The following DEPTOR variants were observed in gnomAD, a reference collection of about 807,000 sequenced individuals.
DEPTOR encodes the protein DEP domain containing MTOR interacting protein.
Under a neutral mutation model 41.6 loss-of-function variants are expected in DEPTOR, and 41 were observed. The observed-to-expected ratio is 0.98, with a 90% confidence interval of 0.77 to 1.28. The LOEUF (loss-of-function observed/expected upper bound fraction) is 1.28, where lower values mean the gene tolerates loss of function less well. Ranked by LOEUF, DEPTOR falls within the 50% of genes most tolerant of loss-of-function variation. The probability of loss-of-function intolerance (pLI) is 0.00; values close to 1 mark genes in which losing one functional copy is unlikely to be tolerated. For synonymous variants in DEPTOR, 195 were observed against 192.3 expected, an observed-to-expected ratio of 1.01 and a Z score of -0.12; for missense variants, 514 against 527.9, an observed-to-expected ratio of 0.97 and a Z score of 0.26.
chr8:119,946,425 G>A (rs76472549), intron 3 of DEPTOR, among the ~76,000 whole-genome samples: 1,961 of 149,674 alleles, frequency 0.013, 51 homozygotes, highest in African/African-American at 0.046. Flanking sequence ...CACCCAAATA[G>A]TGTTTGGTTT....
rs1022776204 is a variant in DEPTOR, at chr8:119,993,975, G to A, written c.605-7550G>A. Among the ~76,000 whole-genome samples, 21 of 151,972 alleles carry A rather than the reference G, an allele frequency of 1.4e-4. No individual in the cohort carries two copies. In the East Asian group the frequency reaches 3.9e-3, roughly 28 times the overall value. On this transcript the variant is annotated intron_variant, in intron 4 of 8. Transcript: ENST00000286234. ...AGTTTGAGATCAGCCTGGCTAACAC[G>A]GTGAAAACCCATCTCTACTAAAAAT...
chr8:119,987,625 G>A (rs114841638), intron 4 of DEPTOR, among the ~76,000 whole-genome samples: 349 of 152,272 alleles, frequency 2.3e-3, no homozygotes, highest in African/African-American at 7.9e-3. Flanking sequence ...CTGAAGCGGC[G>A]CCAACAGCTG....
At chr8:119,906,683 A>G (rs7006905) in intron 1 of DEPTOR, among the ~76,000 whole-genome samples, 75,658 of 151,756 alleles carry the variant, frequency 0.5, 20,579 homozygotes, top group East Asian at 0.92. Context: ...GATTTTCCCT[A>G]TTGCTGGACC....
At chr8:119,914,441 C>CG (rs1554673083) in intron 1 of DEPTOR, among the ~76,000 whole-genome samples, 1 of 149,652 alleles carries the variant, frequency 6.7e-6, no homozygotes, top group Non-Finnish European at 1.5e-5. Context: ...TCACCCAAGC[C>CG]TTTTTTTTTC....
intron 1 of DEPTOR, among the ~76,000 whole-genome samples, chr8:119,910,376 A>T (rs1393172969): frequency 6.6e-6 from 1 of 152,220 alleles, no homozygotes. Context: ...AGCCCTGGGA[A>T]ACATTTTTGT....
intron 8 of DEPTOR, among the ~76,000 whole-genome samples, chr8:120,041,116 A>C (rs557299443): frequency 6.6e-6 from 1 of 152,320 alleles, no homozygotes; most frequent in South Asian, 2.1e-4. Flanking sequence ...GAAAGAAAAA[A>C]ACAAGAAGGT....
chr8:120,040,180 G>C (rs201011452), intron 8 of DEPTOR, among the ~76,000 whole-genome samples: 1 of 152,192 alleles, frequency 6.6e-6, no homozygotes, highest in East Asian at 1.9e-4. Context: ...TAAAACATCA[G>C]CCTTCTTCTT....
At chr8:119,992,045 A>C (rs1812181444) in intron 4 of DEPTOR, among the ~76,000 whole-genome samples, 1 of 152,192 alleles carries the variant, frequency 6.6e-6, no homozygotes, top group South Asian at 2.1e-4. Flanking sequence ...CACCTTCTAG[A>C]AACACCAAGT....
intron 3 of DEPTOR, among the ~76,000 whole-genome samples, chr8:119,930,617 AG>A (rs2129857275): frequency 6.6e-6 from 1 of 152,316 alleles, no homozygotes; most frequent in Admixed American, 6.5e-5. Context: ...CATCGAGAGC[AG>A]GGGAATTGGT....
chr8:119,904,078 C>T (rs1297048268), intron 1 of DEPTOR, among the ~76,000 whole-genome samples: 1 of 151,894 alleles, frequency 6.6e-6, no homozygotes, highest in Non-Finnish European at 1.5e-5. Context: ...AAAAGGCACT[C>T]GATTTAATTG....
chr8:120,014,817 C>T (rs764237407), intron 8 of DEPTOR, among the ~76,000 whole-genome samples: 3 of 151,992 alleles, frequency 2.0e-5, no homozygotes, highest in Non-Finnish European at 4.4e-5. Context: ...ACCACCATGC[C>T]CAACCCCCAA....
chr8:119,928,716 T>C (rs1828000174), intron 2 of DEPTOR, 138 bp downstream of exon 2: 2 of 837,216 alleles, frequency 2.4e-6, no homozygotes, highest in South Asian at 3.1e-5. Context: ...ATTTTCTTCC[T>C]GCCTCTAAGA....
intron 3 of DEPTOR, among the ~76,000 whole-genome samples, chr8:119,950,895 G>T (rs537512916): frequency 9.2e-5 from 14 of 152,214 alleles, no homozygotes; most frequent in African/African-American, 3.4e-4. Flanking sequence ...ACAGCACCCT[G>T]CCATGTTTCT....
At chr8:119,916,564 A>G (rs1024428509) in intron 1 of DEPTOR, among the ~76,000 whole-genome samples, 3 of 152,242 alleles carry the variant, frequency 2.0e-5, no homozygotes, top group African/African-American at 7.2e-5. Context: ...TGGAAGGCTT[A>G]CTGAGGACTA....
At chr8:119,933,955 C>T (rs1222709042) in intron 3 of DEPTOR, among the ~76,000 whole-genome samples, 1 of 152,156 alleles carries the variant, frequency 6.6e-6, no homozygotes, top group Non-Finnish European at 1.5e-5. Context: ...TCTCGGCTCA[C>T]TACAACCTTC....
intron 3 of DEPTOR, 102 bp from the exon 4 acceptor site, chr8:119,965,130 T>A: frequency 7.8e-7 from 1 of 1,277,178 alleles, no homozygotes; most frequent in South Asian, 1.6e-5. Context: ...CATCTGTCTG[T>A]CTGACAACTT....
In DEPTOR at chr8:119,942,612, A is replaced by G. The variant is rs533880323; in HGVS notation, c.425+12674A>G. On this transcript the variant is annotated intron_variant, in intron 3 of 8. Coordinates refer to ENST00000286234, the MANE Select transcript of DEPTOR (RefSeq NM_022783.4). ...ACTTCCGCCAAGTTTTCCTAATCCTATGTAATGTCAGGGCTATGAACCAAG... is the reference window on the plus strand; with the variant it reads ...ACTTCCGCCAAGTTTTCCTAATCCTGTGTAATGTCAGGGCTATGAACCAAG... 2.6e-5 allele frequency among the ~76,000 whole-genome samples: 4 copies of G among 152,328 alleles called. No homozygotes were observed. The South Asian group carries it at 8.3e-4, about 32-fold the overall frequency.
chr8:120,018,653 GC>G (rs1176715660), intron 8 of DEPTOR, among the ~76,000 whole-genome samples: 1 of 152,174 alleles, frequency 6.6e-6, no homozygotes, highest in African/African-American at 2.4e-5. Context: ...TGTTTTGTAT[GC>G]AGTGCTATGT....
intron 8 of DEPTOR, among the ~76,000 whole-genome samples, chr8:120,033,760 G>C (rs932208571): frequency 6.6e-6 from 1 of 152,108 alleles, no homozygotes; most frequent in African/African-American, 2.4e-5. Flanking sequence ...GCCAGGCAAG[G>C]ATTTACTCCC....
Sources: allele counts gnomAD v4.1 joint callset (sites outside exome capture counted in the v4.1 genomes callset), GRCh38; gene constraint gnomAD v4.1.1; transcripts MANE v1.5; gene names NCBI Gene and HGNC (gene_info 2026-07-23, HGNC 2026-07-21).